The following ADCK1 variants were observed in gnomAD, a reference collection of about 807,000 sequenced individuals.
ADCK1 encodes aarF domain-containing protein kinase 1.
A neutral mutation model predicts 52.3 loss-of-function variants in ADCK1; 41 were observed. That is an observed-to-expected ratio of 0.78 (90% confidence interval 0.61 to 1.02). ADCK1 has a LOEUF of 1.02. Ranked by LOEUF, ADCK1 falls within the 50% of genes least tolerant of loss-of-function variation. The pLI is 0.00. For synonymous variants in ADCK1, 250 were observed against 274.6 expected (o/e 0.91, Z 0.89); for missense variants, 658 against 679.5 (o/e 0.97, Z 0.35).
intron 5 of ADCK1, 21 bp from the exon 6 acceptor site, chr14:77,899,079 G>A: frequency 6.2e-7 from 1 of 1,612,754 alleles, no homozygotes; most frequent in Non-Finnish European, 8.5e-7. Flanking sequence ...CCAAATGACT[G>A]GGGTGCTTGT....
At chr14:77,907,484 G>T (rs2083692848) in intron 6 of ADCK1, among the ~76,000 whole-genome samples, 1 of 152,226 alleles carries the variant, frequency 6.6e-6, no homozygotes, top group South Asian at 2.1e-4. Flanking sequence ...CAATGCCCAG[G>T]TGTGAGGTGT....
At chr14:77,915,462 T>G (rs1481786425) in intron 7 of ADCK1, among the ~76,000 whole-genome samples, 1 of 151,928 alleles carries the variant, frequency 6.6e-6, no homozygotes, top group African/African-American at 2.4e-5. Context: ...CATGCACACG[T>G]ATGTTTATTG....
chr14:77,817,490 A>AG (rs1368647160), intron 1 of ADCK1, among the ~76,000 whole-genome samples: 2 of 152,198 alleles, frequency 1.3e-5, no homozygotes, highest in Non-Finnish European at 2.9e-5. Flanking sequence ...CAGGAATTGA[A>AG]GGGGAAGCAC....
intron 4 of ADCK1, among the ~76,000 whole-genome samples, chr14:77,866,914 GC>G (rs1005752132): frequency 4.6e-5 from 7 of 152,170 alleles, no homozygotes; most frequent in Admixed American, 3.9e-4. Flanking sequence ...CTCCACCTGT[GC>G]CTGCAGCCCC....
chr14:77,918,445 A>T (rs2083977303), intron 7 of ADCK1, among the ~76,000 whole-genome samples: 1 of 152,178 alleles, frequency 6.6e-6, no homozygotes, highest in African/African-American at 2.4e-5. Flanking sequence ...TTCTAAAAAG[A>T]TGGTGCATCC....
intron 5 of ADCK1, among the ~76,000 whole-genome samples, chr14:77,894,239 T>C (rs568617406): frequency 6.6e-6 from 1 of 152,216 alleles, no homozygotes; most frequent in Non-Finnish European, 1.5e-5. Context: ...AGAACAAAGA[T>C]AAACCCCGTG....
At chr14:77,883,268 G>C (rs911623866) in intron 4 of ADCK1, among the ~76,000 whole-genome samples, 9 of 152,110 alleles carry the variant, frequency 5.9e-5, no homozygotes, top group Non-Finnish European at 2.9e-5. Flanking sequence ...TTCTGTGAGT[G>C]ACTGGAGGCA....
At chr14:77,805,128 C>T (rs1174600943) in intron 1 of ADCK1, among the ~76,000 whole-genome samples, 2 of 150,154 alleles carry the variant, frequency 1.3e-5, no homozygotes, top group African/African-American at 4.9e-5. Context: ...ATCGCTTGAA[C>T]CCTGGAGGCG....
intron 3 of ADCK1, among the ~76,000 whole-genome samples, chr14:77,826,284 A>T (rs1266477216): frequency 1.3e-5 from 2 of 152,170 alleles, no homozygotes; most frequent in African/African-American, 2.4e-5. Context: ...AGTGTGGCTG[A>T]TAAAGGAATG....
At chr14:77,847,014 G>A (rs1426870570) in intron 3 of ADCK1, among the ~76,000 whole-genome samples, 2 of 152,228 alleles carry the variant, frequency 1.3e-5, no homozygotes, top group Non-Finnish European at 2.9e-5. Context: ...GAGGGGAGAG[G>A]CGTGGCACGG....
chr14:77,931,455 T>G (rs1396666121), intron 9 of ADCK1, 63 bp from the exon 10 acceptor site: 1 of 1,534,698 alleles, frequency 6.5e-7, no homozygotes, highest in Non-Finnish European at 8.9e-7. Context: ...GCCAGACCCC[T>G]GCCACCCCTG....
chr14:77,807,902 C>T (rs987323658), intron 1 of ADCK1, among the ~76,000 whole-genome samples: 3 of 152,158 alleles, frequency 2.0e-5, no homozygotes, highest in African/African-American at 7.2e-5. Flanking sequence ...CTCAGCCTCT[C>T]AAAGTGCTGG....
chr14:77,869,252 G>A (rs1750778131), intron 4 of ADCK1, among the ~76,000 whole-genome samples: 1 of 152,224 alleles, frequency 6.6e-6, no homozygotes, highest in African/African-American at 2.4e-5. Context: ...TGAGATCAAG[G>A]TATCAGCAGG....
At chr14:77,912,787 C>T (rs1009519250) in intron 7 of ADCK1, among the ~76,000 whole-genome samples, 1 of 152,134 alleles carries the variant, frequency 6.6e-6, no homozygotes, top group Non-Finnish European at 1.5e-5. Context: ...GAGCCCCCAA[C>T]CACTTGTTGT....
rs751331821 is a variant in ADCK1 at position 77,887,200 on chromosome 14, A to G, written c.533A>G (p.Gln178Arg). ...GGGCGGACGGTGGCCGTGAAGGTCC[A>G]GCACCCAAAGGTGCGGGCTCAGAGC... is the stretch of plus-strand genomic sequence containing the variant. ...HDGRTVAVKV[Q>R]HPKVRAQSSK... The change falls in exon 5 of 11, where the codon CAG becomes CGG. Residue 178 changes from glutamine to arginine, a missense_variant. Gln to Arg is a conservative substitution (Grantham distance 43). Transcript: ENST00000238561. 6 of 1,610,494 alleles carry G rather than the reference A, an allele frequency of 3.7e-6. No individual in the cohort carries two copies. Among genetic ancestry groups the G allele is most frequent in the Non-Finnish European group, 5.1e-6 (6 of 1,178,246 alleles).
intron 3 of ADCK1, among the ~76,000 whole-genome samples, chr14:77,840,065 TC>T (rs2082036685): frequency 6.6e-6 from 1 of 152,044 alleles, no homozygotes; most frequent in Non-Finnish European, 1.5e-5. Flanking sequence ...CTATCAGACT[TC>T]ACTTCCAAAA....
chr14:77,864,761 T>C (rs1028135819), intron 4 of ADCK1, among the ~76,000 whole-genome samples: 1 of 152,084 alleles, frequency 6.6e-6, no homozygotes, highest in South Asian at 2.1e-4. Flanking sequence ...ATGTGGGTTA[T>C]AGAGGCTGGG....
At chr14:77,839,169 G>A (rs933482329) in intron 3 of ADCK1, among the ~76,000 whole-genome samples, 2 of 152,184 alleles carry the variant, frequency 1.3e-5, no homozygotes, top group Non-Finnish European at 2.9e-5. Context: ...AGTCTGGGAA[G>A]GGCTCTCTCG....
chr14:77,904,234 G>A (rs2083608774), intron 6 of ADCK1, among the ~76,000 whole-genome samples: 1 of 152,216 alleles, frequency 6.6e-6, no homozygotes, highest in African/African-American at 2.4e-5. Context: ...CTGGTTCCAT[G>A]TTGAGTGCCA....
Sources: allele counts gnomAD v4.1 joint callset (sites outside exome capture counted in the v4.1 genomes callset), GRCh38; gene constraint gnomAD v4.1.1; transcripts MANE v1.5; gene names NCBI Gene and HGNC (gene_info 2026-07-23, HGNC 2026-07-21).